GALNT9: variants seen among roughly 807,000 people sequenced by gnomAD.
GALNT9 encodes polypeptide N-acetylgalactosaminyltransferase 9.
Under a neutral mutation model 63.1 loss-of-function variants are expected in GALNT9, and 47 were observed. The ratio of observed to expected loss-of-function variants is 0.75; its 90% confidence interval spans 0.59 to 0.95. GALNT9 has a LOEUF of 0.95. Ranked by LOEUF, GALNT9 falls within the 40% of genes least tolerant of loss-of-function variation. The probability of loss-of-function intolerance (pLI) is 0.00; values close to 1 mark genes in which losing one functional copy is unlikely to be tolerated. For missense variants in GALNT9, 829 were observed against 874.8 expected, an observed-to-expected ratio of 0.95 and a Z score of 0.66; for synonymous variants, 396 against 365.7, an observed-to-expected ratio of 1.08 and a Z score of -0.94.
intron 9 of GALNT9, 83 bp downstream of exon 9, chr12:132,199,091 G>C (rs1030223918): frequency 3.3e-6 from 3 of 895,650 alleles, no homozygotes; most frequent in African/African-American, 3.2e-5. Context: ...GGCTGGACCC[G>C]TGCCTCTGCC....
chr12:132,240,427 G>T (rs2136898222), intron 6 of GALNT9: 15 of 360,178 alleles, frequency 4.2e-5, no homozygotes, highest in African/African-American at 3.0e-4. Context: ...CACTTGTTCA[G>T]CGCAGACATG....
intron 6 of GALNT9, among the ~76,000 whole-genome samples, chr12:132,241,447 C>CA (rs1878342371): frequency 1.6e-4 from 8 of 50,180 alleles, no homozygotes; most frequent in Admixed American, 2.3e-4. Context: ...ACCCCCTTCC[C>CA]GGGGCCCTCC....
In GALNT9 at chr12:132,199,209, C is replaced by T. The variant is rs778830756; in HGVS notation, c.1462G>A (p.Ala488Thr). 3.1e-5 allele frequency: 50 copies of T among 1,603,904 alleles called. No homozygotes were observed. The highest frequency in any genetic ancestry group is 3.4e-6 in the Non-Finnish European group (4 of 1,179,460). ...LDQGAEDGDR[A>T]ILYPCHGMSS... is the part of the protein sequence containing the mutation. Reference sequence around the variant, plus strand: ...ATCCCGTGGCAGGGGTAGAGGATCGCCCGGTCGCCGTCCTCCGCTCCCTGG... The same window carrying T: ...ATCCCGTGGCAGGGGTAGAGGATCGTCCGGTCGCCGTCCTCCGCTCCCTGG... Residue 488 changes from alanine (A) to threonine (T), a missense_variant, in exon 9 of 11, where the codon GCG (alanine) becomes ACG (threonine). Physicochemically the swap from Ala to Thr is moderately conservative, Grantham distance 58. Coordinates refer to ENST00000328957, the MANE Select transcript of GALNT9 (RefSeq NM_001122636.2).
rs182548458 is a variant in GALNT9 at position 132,266,303 on chromosome 12, G to A, written c.420-3678C>T. Among the ~76,000 whole-genome samples the A allele has an allele frequency of 7.9e-5, 12 of 152,320 alleles. No homozygotes were observed. In the East Asian group the frequency reaches 9.7e-4, roughly 12 times the overall value. ...GAGCTAAGGGGCTGCTTCTCCCTCCGAGCAGCGCCTTTGCTTTGTGACAAA... is the reference window on the plus strand; with the variant it reads ...GAGCTAAGGGGCTGCTTCTCCCTCCAAGCAGCGCCTTTGCTTTGTGACAAA... On this transcript the variant is annotated intron_variant, in intron 2 of 10. Coordinates refer to ENST00000328957, the MANE Select transcript of GALNT9 (RefSeq NM_001122636.2).
chr12:132,272,246 AG>A (rs1879897859), intron 2 of GALNT9, among the ~76,000 whole-genome samples: 1 of 152,204 alleles, frequency 6.6e-6, no homozygotes. Flanking sequence ...ACAACGACCC[AG>A]GGAAGCACCC....
At position 132,200,259 on chromosome 12, in the gene GALNT9, G is replaced by A. The variant is rs937678293; in HGVS notation, c.1401+865C>T. ...GCCAGCTCAGGGCTGGGACGCTCGA[G>A]TCTCATGGTGGGAGGCACCCCATCC... On this transcript the variant is annotated intron_variant, in intron 8 of 10. Transcript: ENST00000328957. 2.6e-5 allele frequency among the ~76,000 whole-genome samples: 4 copies of A among 152,202 alleles called. No homozygotes were observed. In the South Asian group the frequency reaches 8.3e-4, roughly 32 times the overall value.
At chr12:132,290,401 T>C (rs1880762911) in intron 1 of GALNT9, among the ~76,000 whole-genome samples, 1 of 152,092 alleles carries the variant, frequency 6.6e-6, no homozygotes, top group African/African-American at 2.4e-5. Flanking sequence ...CCCAACGCGC[T>C]GTGTCTTGGG....
At chr12:132,256,738 C>G (rs544478898) in intron 5 of GALNT9, among the ~76,000 whole-genome samples, 10 of 152,132 alleles carry the variant, frequency 6.6e-5, no homozygotes, top group African/African-American at 2.4e-4. Flanking sequence ...TGCCGGTTTT[C>G]CAAAGTGGCT....
At position 132,286,586 on chromosome 12, in the gene GALNT9, C is replaced by G. The variant is rs782775562; in HGVS notation, c.239-156G>C. ...TGGCAGGCTGCCAGCTCAGGACATT[C>G]CAGAAAGTGCAAGGCTGTGCGCGGA... On this transcript the variant is annotated intron_variant, in intron 1 of 10. Coordinates refer to ENST00000328957, the MANE Select transcript of GALNT9 (RefSeq NM_001122636.2). The surrounding 1 kb of genome is among the most constrained non-coding windows in gnomAD (Gnocchi z 7.4). 3.1e-5 allele frequency: 39 copies of G among 1,260,444 alleles called. No homozygotes were observed. Among genetic ancestry groups the G allele is most frequent in the Non-Finnish European group, 3.9e-5 (37 of 941,362 alleles). 78.1% of individuals were successfully genotyped at this position (1,260,444 alleles called of 1,614,324 possible).
At chr12:132,224,968 CCACA>C (rs1310383077) in intron 6 of GALNT9, among the ~76,000 whole-genome samples, 3 of 149,686 alleles carry the variant, frequency 2.0e-5, no homozygotes, top group Non-Finnish European at 4.5e-5. Context: ...CATACACACC[CCACA>C]CACATACACC....
chr12:132,247,528 A>G, intron 6 of GALNT9: 1 of 462,792 alleles, frequency 2.2e-6, no homozygotes, highest in Non-Finnish European at 4.3e-6. Context: ...GAGAGGGCTC[A>G]GTGCGCTGAG....
At chr12:132,280,626 G>T (rs1555241592) in intron 2 of GALNT9, 2 of 152,316 alleles carry the variant, frequency 1.3e-5, no homozygotes, top group Non-Finnish European at 2.9e-5. Flanking sequence ...AGGCTGGCAG[G>T]CGGCAGCTGT....
chr12:132,277,154 A>G (rs1286607194), intron 2 of GALNT9: 1 of 154,370 alleles, frequency 6.5e-6, no homozygotes, highest in African/African-American at 2.4e-5. Flanking sequence ...GGTTAAAGCC[A>G]TGCAGGGAAT....
At position 132,213,480 on chromosome 12, in the gene GALNT9, C is replaced by CCACAGT. The variant is rs1555234961; in HGVS notation, c.1078-9791_1078-9790insACTGTG. Reference sequence around the variant, plus strand: ...CCCCCACACACAGGCACACTCACACCCACACACACGCACTCCACTCACACA... The same window carrying CCACAGT: ...CCCCCACACACAGGCACACTCACACCCACAGTCACACACACGCACTCCACTCACACA... On this transcript the variant is annotated intron_variant, in intron 6 of 10. Coordinates refer to ENST00000328957, the MANE Select transcript of GALNT9 (RefSeq NM_001122636.2). 6.1e-3 allele frequency among the ~76,000 whole-genome samples: 912 copies of CCACAGT among 150,660 alleles called. 6 individuals are homozygous for CCACAGT. The highest frequency in any genetic ancestry group is 0.017 in the Middle Eastern group (5 of 292).
Position 132,261,012 on chromosome 12 carries a change from A to G in GALNT9, c.697T>C (p.Trp233Arg). ...ACGACTGGGGCGGTGGCCGCCTTCC[A>G]GCCCTGCAGCCGCGCGCGGATCAGT... ...EGLIRARLQG[W>R]KAATAPVVGF... The change falls in exon 4 of 11, where the codon TGG becomes CGG. Residue 233 changes from tryptophan (W) to arginine (R), a missense_variant. By Grantham distance (101) the Trp-to-Arg change is moderately radical. Transcript: ENST00000328957. 1 of 1,550,082 alleles carries G rather than the reference A, an allele frequency of 6.5e-7. No homozygotes were observed. The highest frequency in any genetic ancestry group is 8.7e-7 in the Non-Finnish European group (1 of 1,146,606).
At chr12:132,201,006 G>T (rs1213800688) in intron 8 of GALNT9, 118 bp downstream of exon 8, 5 of 1,004,094 alleles carry the variant, frequency 5.0e-6, no homozygotes, top group Non-Finnish European at 5.9e-6. Context: ...CCCTCTGGGG[G>T]AGGCGCTACC....
At chr12:132,206,414 G>A (rs147701945) in intron 6 of GALNT9, among the ~76,000 whole-genome samples, 4,923 of 151,132 alleles carry the variant, frequency 0.033, 253 homozygotes, top group African/African-American at 0.11. Flanking sequence ...TTGGGAGGCC[G>A]AGGTGGGTGG....
chr12:132,271,713 G>A (rs1206744753), intron 2 of GALNT9, among the ~76,000 whole-genome samples: 2 of 152,196 alleles, frequency 1.3e-5, no homozygotes, highest in African/African-American at 4.8e-5. Context: ...GCCGAAGGCT[G>A]TTTCAGGTTC....
chr12:132,307,610 G>A (rs1284064895), intron 1 of GALNT9, among the ~76,000 whole-genome samples: 1 of 150,782 alleles, frequency 6.6e-6, no homozygotes, highest in Non-Finnish European at 1.5e-5. Context: ...AAGGCGGGTG[G>A]ATCACCAGGT....
Sources: allele counts gnomAD v4.1 joint callset (sites outside exome capture counted in the v4.1 genomes callset), GRCh38; gene constraint gnomAD v4.1.1; non-coding constraint Gnocchi (gnomAD v3.1); transcripts MANE v1.5; gene names NCBI Gene and HGNC (gene_info 2026-07-23, HGNC 2026-07-21).